Variants in NPIPB2 observed in about 807,000 individuals in gnomAD.
NPIPB2 encodes nuclear pore complex interacting protein family member B2.
In NPIPB2, 27 loss-of-function variants were observed where a neutral mutation model predicts 30.8. The ratio of observed to expected loss-of-function variants is 0.88; its 90% CI spans 0.65 to 1.21. NPIPB2 has a LOEUF of 1.21. Among genes scored for constraint, NPIPB2 ranks in the 50% most tolerant of loss-of-function variants. The pLI is 0.00. For missense variants in NPIPB2, 440 were observed against 446.2 expected (o/e 0.99, Z 0.13); for synonymous variants, 147 against 162.0 (o/e 0.91, Z 0.70).
intron 1 of NPIPB2, among the ~76,000 whole-genome samples, chr16:11,971,007 C>T (rs1442788395): frequency 1.3e-5 from 2 of 151,994 alleles, no homozygotes; most frequent in Non-Finnish European, 2.9e-5. Flanking sequence ...GCATGTACCA[C>T]CATTCTCGGC....
chr16:11,948,864 G>A (rs2055037915), intron 1 of NPIPB2, among the ~76,000 whole-genome samples: 1 of 151,760 alleles, frequency 6.6e-6, no homozygotes, highest in East Asian at 1.9e-4. Flanking sequence ...TTTGTTGGGT[G>A]TGGTGGCTCA....
chr16:11,933,800 T>C (rs764678040), intron 3 of NPIPB2, 25 bp downstream of exon 3: 3 of 1,591,594 alleles, frequency 1.9e-6, no homozygotes, highest in South Asian at 2.2e-5. Context: ...ATTTCCACAC[T>C]ATGGGGACTC....
rs559878844 is a variant in NPIPB2 at position 11,937,634 on chromosome 16, C to T, written c.98G>A (p.Gly33Glu). The change falls in exon 2 of 8, where the codon GGG (glycine) becomes GAG (glutamate). Residue 33 changes from glycine to glutamate, a missense_variant. Transcript: ENST00000399147. ...CCAAGGACTTCCACCAAAGTCAGTC[C>T]CACGATGATGATGGTCAGCCAGAGT... is the stretch of plus-strand genomic sequence containing the variant. 114 of 1,599,278 alleles carry T rather than the reference C, an allele frequency of 7.1e-5. No homozygotes were observed. The African/African-American group carries it at 1.2e-3, about 17-fold the overall frequency.
chr16:11,946,385 CAAAAAAAAAAAAA>C (rs34318693), upstream of NPIPB2, among the ~76,000 whole-genome samples: 1 of 70,106 alleles, frequency 1.4e-5, no homozygotes, highest in Non-Finnish European at 2.6e-5. Context: ...AACTCTATCT[CAAAAAAAAAAAAA>C]AAAAAAAAAA....
intron 1 of NPIPB2, among the ~76,000 whole-genome samples, chr16:11,969,826 G>A (rs2055224592): frequency 6.6e-6 from 1 of 152,106 alleles, no homozygotes; most frequent in South Asian, 2.1e-4. Flanking sequence ...TTACTAACGT[G>A]CCAGGGACTG....
intron 1 of NPIPB2, among the ~76,000 whole-genome samples, chr16:11,964,521 C>A (rs900911734): frequency 3.9e-5 from 6 of 151,994 alleles, no homozygotes; most frequent in African/African-American, 1.4e-4. Context: ...TCAAGCACGT[C>A]TCCCTGCCTC....
intron 1 of NPIPB2, among the ~76,000 whole-genome samples, chr16:11,947,201 G>C (rs1161799992): frequency 2.7e-5 from 4 of 147,624 alleles, no homozygotes; most frequent in South Asian, 4.2e-4. Flanking sequence ...ATATCCTCCT[G>C]CCTCAGCCTC....
chr16:11,967,631 T>C (rs779571230), intron 1 of NPIPB2: 40 of 1,614,094 alleles, frequency 2.5e-5, no homozygotes, highest in African/African-American at 5.3e-5. Context: ...GTGATGAAAT[T>C]ATTCTTCCGA....
chr16:11,946,267 C>G (rs954579867), upstream of NPIPB2, among the ~76,000 whole-genome samples: 3 of 151,530 alleles, frequency 2.0e-5, no homozygotes, highest in African/African-American at 4.9e-5. Context: ...TGCCTATAAT[C>G]CCAGCTACTT....
intron 1 of NPIPB2, among the ~76,000 whole-genome samples, chr16:11,947,399 C>G (rs889217000): frequency 2.0e-5 from 3 of 150,142 alleles, no homozygotes; most frequent in African/African-American, 7.3e-5. Context: ...GGCTGGAGTG[C>G]AGTGGCGCGA....
Position 11,933,648 on chromosome 16 carries a change from G to A in NPIPB2, c.357C>T (p.Gly119=), listed in dbSNP as rs773298377. 2.5e-6 allele frequency: 4 copies of A among 1,596,650 alleles called. No individual in the cohort carries two copies. The Admixed American group carries it at 5.0e-5, about 20-fold the overall frequency. The change falls in exon 4 of 8, where the codon GGC becomes GGT. Residue 119 remains glycine (G), a synonymous_variant. Coordinates refer to ENST00000399147, the Ensembl canonical transcript of NPIPB2. ...TCCGTAGAGTAATGACGTCTTTCAGGCCAATTTTATTTCCTGGAAAGGAAG... is the reference window on the plus strand; with the variant it reads ...TCCGTAGAGTAATGACGTCTTTCAGACCAATTTTATTTCCTGGAAAGGAAG...
chr16:11,947,322 T>TTATTTATTTATTTATATA (rs144577397), intron 1 of NPIPB2, among the ~76,000 whole-genome samples: 1 of 119,998 alleles, frequency 8.3e-6, no homozygotes, highest in South Asian at 2.3e-4. Flanking sequence ...ATTTATTTAT[T>TTATTTATTTATTTATATA]TATATATATA....
chr16:11,947,374 TCG>T (rs2055022352), intron 1 of NPIPB2, among the ~76,000 whole-genome samples: 1 of 150,246 alleles, frequency 6.7e-6, no homozygotes. Flanking sequence ...AGATGGAGTC[TCG>T]CTCTGTCGCC....
At position 11,962,981 on chromosome 16, in the gene NPIPB2, C is replaced by T. The variant is rs1424185110; in HGVS notation, c.-584+13587G>A. The stretch of plus-strand genomic sequence containing the variant: ...ATTCCGGAAGCTGAGGCAGGAGAAT[C>T]ACTTGAACCCGGGAGGCAGAGGTTG... On this transcript the variant is annotated intron_variant, in intron 1 of 5. Coordinates refer to the NPIPB2 transcript ENST00000538896. Among the ~76,000 whole-genome samples the T allele has an allele frequency of 2.0e-5, 3 of 152,104 alleles. 1 individual carries two copies. Among genetic ancestry groups the T allele is most frequent in the South Asian group, 4.1e-4 (2 of 4,834 alleles).
chr16:11,956,313 C>A (rs2055112258), intron 1 of NPIPB2: 1 of 152,194 alleles, frequency 6.6e-6, no homozygotes, highest in East Asian at 1.9e-4. Context: ...GGGTTAAAGG[C>A]CTGGTTCCCA....
At chr16:11,947,323 T>TATTC (rs1555509093) in intron 1 of NPIPB2, among the ~76,000 whole-genome samples, 2 of 21,364 alleles carry the variant, frequency 9.4e-5, no homozygotes, top group Non-Finnish European at 1.5e-3. Flanking sequence ...TTTATTTATT[T>TATTC]ATATATATAT....
At chr16:11,946,179 A>C (rs1280622463), upstream of NPIPB2, among the ~76,000 whole-genome samples, 1 of 152,054 alleles carries the variant, frequency 6.6e-6, no homozygotes, top group Admixed American at 6.6e-5. Context: ...TGAGGTCAGG[A>C]GTTCAAGACC....
Position 11,950,327 on chromosome 16 carries a change from C to T in NPIPB2, c.-583-8213G>A, listed in dbSNP as rs146964279. 3.3e-3 allele frequency among the ~76,000 whole-genome samples: 496 copies of T among 152,250 alleles called. 4 individuals are homozygous for T. The highest frequency in any genetic ancestry group is 0.011 in the African/African-American group (457 of 41,550). ...CTGGGATTACAGGCATGAGCCACCACGCCTAGCCTAATTAATTTTTTTCTA... is the reference window on the plus strand; with the variant it reads ...CTGGGATTACAGGCATGAGCCACCATGCCTAGCCTAATTAATTTTTTTCTA... On this transcript the variant is annotated intron_variant, in intron 1 of 5. Coordinates refer to the NPIPB2 transcript ENST00000538896.
At chr16:11,962,909 A>G (rs894042134) in intron 1 of NPIPB2, among the ~76,000 whole-genome samples, 6 of 152,050 alleles carry the variant, frequency 3.9e-5, no homozygotes, top group Non-Finnish European at 7.4e-5. Flanking sequence ...TGTACTAAAA[A>G]TACAAATATT....
Sources: allele counts gnomAD v4.1 joint callset (sites outside exome capture counted in the v4.1 genomes callset), GRCh38; gene constraint gnomAD v4.1.1; transcripts MANE v1.5; gene names NCBI Gene and HGNC (gene_info 2026-07-23, HGNC 2026-07-21).